The following XRCC6 variants were observed in gnomAD, a reference collection of about 807,000 sequenced individuals.
XRCC6 encodes X-ray repair cross complementing 6.
A neutral mutation model predicts 65.7 loss-of-function variants in XRCC6; 5 were observed. The observed-to-expected ratio is 0.08, with a 90% CI of 0.04 to 0.16. XRCC6 has a LOEUF of 0.16. Among genes scored for constraint, XRCC6 ranks in the 10% least tolerant of loss-of-function variants. XRCC6 has a pLI of 1.00. For missense variants in XRCC6, 447 were observed against 738.1 expected (o/e 0.61, Z 4.57); for synonymous variants, 270 against 270.6 (o/e 1.00, Z 0.02).
chr22:41,660,960 G>A (rs1277214052), intron 11 of XRCC6, among the ~76,000 whole-genome samples: 6 of 151,870 alleles, frequency 4.0e-5, no homozygotes, highest in Admixed American at 3.9e-4. Flanking sequence ...CTTGAACCAG[G>A]GAGTCGGAGG....
chr22:41,646,806 T>A, intron 6 of XRCC6, 90 bp from the exon 7 acceptor site: 1 of 1,119,324 alleles, frequency 8.9e-7, no homozygotes, highest in Non-Finnish European at 1.3e-6. Context: ...TTGGAGAGAA[T>A]AAAACAGTGA....
At chr22:41,625,070 C>T (rs938884533) in intron 2 of XRCC6, among the ~76,000 whole-genome samples, 2 of 151,894 alleles carry the variant, frequency 1.3e-5, no homozygotes, top group Admixed American at 6.6e-5. Context: ...TTTTTGGAGG[C>T]CAAGGTGGGC....
intron 9 of XRCC6, 150 bp downstream of exon 9, chr22:41,653,840 C>A: frequency 9.8e-7 from 1 of 1,016,606 alleles, no homozygotes; most frequent in Non-Finnish European, 1.4e-6. Flanking sequence ...GAATTTAGTG[C>A]ACAGCCAGGT....
Position 41,664,002 on chromosome 22 carries a change from A to C in XRCC6, c.*187A>C. 1 of 645,808 alleles carries C rather than the reference A, an allele frequency of 1.5e-6. No homozygotes were observed. The allele number at this position is 645,808 out of a possible 1,614,324, so 40.0% of individuals were successfully genotyped here. On this transcript the variant is annotated 3_prime_UTR_variant, in exon 13 of 13. Transcript: ENST00000360079. ...TAGCCCTCCCACTTTGCTGTTCCTT[A>C]CTTTACTGCCTGAATAAAGAGCCCT...
At chr22:41,627,407 T>A (rs927445803) in intron 2 of XRCC6, among the ~76,000 whole-genome samples, 15 of 151,772 alleles carry the variant, frequency 9.9e-5, no homozygotes, top group Middle Eastern at 3.4e-3. Flanking sequence ...GGCCGGGAGT[T>A]CAAGACCAAC....
At chr22:41,633,377 CTTT>C (rs1569083651) in intron 3 of XRCC6, among the ~76,000 whole-genome samples, 1 of 151,618 alleles carries the variant, frequency 6.6e-6, no homozygotes, top group Non-Finnish European at 1.5e-5. Flanking sequence ...GTGCTTTAAC[CTTT>C]TTTAGACCGT....
chr22:41,663,742 G>T lies in XRCC6; in HGVS notation c.1757G>T (p.Arg586Leu). ...GTGCCCATGCTGAAAGAGGCCTGCC[G>T]GGCTTACGGGCTGAAGAGTGGGCTG... is the stretch of plus-strand genomic sequence containing the variant. Reference protein sequence around the residue: ...FTVPMLKEACRAYGLKSGLKK... With the variant: ...FTVPMLKEACLAYGLKSGLKK... Residue 586 changes from arginine to leucine, a missense_variant, in exon 13 of 13, where the codon CGG becomes CTG. By Grantham distance (102) the Arg-to-Leu change is moderately radical. Coordinates refer to ENST00000360079, the MANE Select transcript of XRCC6 (RefSeq NM_001469.5). 6.2e-7 allele frequency: 1 copy of T among 1,613,946 alleles called. No homozygotes were observed. Among genetic ancestry groups the T allele is most frequent in the Non-Finnish European group, 8.5e-7 (1 of 1,179,866 alleles).
intron 7 of XRCC6, among the ~76,000 whole-genome samples, chr22:41,649,151 T>A (rs1261186932): frequency 1.5e-5 from 2 of 133,762 alleles, no homozygotes; most frequent in Non-Finnish European, 3.1e-5. Context: ...TATATATATA[T>A]ATATATATAT....
chr22:41,624,666 C>T (rs545001311), intron 2 of XRCC6, among the ~76,000 whole-genome samples: 49 of 145,690 alleles, frequency 3.4e-4, no homozygotes, highest in Non-Finnish European at 5.7e-4. Flanking sequence ...CCAGCCTGGG[C>T]GACAGAGTGA....
At chr22:41,650,162 T>C (rs1226468275) in intron 7 of XRCC6, among the ~76,000 whole-genome samples, 3 of 151,992 alleles carry the variant, frequency 2.0e-5, no homozygotes, top group African/African-American at 7.3e-5. Flanking sequence ...TGCAGTGCAG[T>C]GGCGCCATCT....
chr22:41,652,060 A>G (rs2068005127), intron 8 of XRCC6, among the ~76,000 whole-genome samples: 1 of 152,198 alleles, frequency 6.6e-6, no homozygotes, highest in South Asian at 2.1e-4. Context: ...CTGAGATTAC[A>G]GGCGTGAGCC....
intron 2 of XRCC6, among the ~76,000 whole-genome samples, chr22:41,622,354 C>T (rs1163604830): frequency 6.6e-6 from 1 of 151,992 alleles, no homozygotes; most frequent in Non-Finnish European, 1.5e-5. Context: ...TATTTTTTGT[C>T]ATCTTAAGTG....
intron 4 of XRCC6, 89 bp downstream of exon 4, chr22:41,636,340 A>G (rs2067809678): frequency 6.6e-7 from 1 of 1,507,526 alleles, no homozygotes; most frequent in African/African-American, 1.4e-5. Flanking sequence ...GAAGCAAGTT[A>G]CATCTTGTCT....
At position 41,650,479 on chromosome 22, in the gene XRCC6, A is replaced by G. The variant is rs1601550362; in HGVS notation, c.961-244A>G. ...AGTGGCTATTCATAAGCACAGTCCC[A>G]CTCTAAAACAGTTTGAACATCTACC... On this transcript the variant is annotated intron_variant, in intron 7 of 12. Coordinates refer to ENST00000360079, the MANE Select transcript of XRCC6 (RefSeq NM_001469.5). 2.0e-5 allele frequency among the ~76,000 whole-genome samples: 3 copies of G among 152,184 alleles called. No homozygotes were observed. The South Asian group carries it at 6.2e-4, about 32-fold the overall frequency.
intron 12 of XRCC6, among the ~76,000 whole-genome samples, chr22:41,662,742 CACTCTCACCCTTCCAGG>C (rs1479775509): frequency 2.6e-5 from 4 of 152,260 alleles, no homozygotes; most frequent in East Asian, 3.9e-4. Flanking sequence ...TGTTTTCCTG[CACTCTCACCCTTCCAGG>C]ACTTAATTTT....
chr22:41,647,202 G>A (rs906370855), intron 7 of XRCC6, 120 bp downstream of exon 7: 80 of 1,009,128 alleles, frequency 7.9e-5, no homozygotes, highest in Middle Eastern at 2.8e-4. Context: ...GGACTCAAGC[G>A]ATCCTTCTGT....
chr22:41,649,139 A>AAAAATATATAT, intron 7 of XRCC6, among the ~76,000 whole-genome samples: 1 of 88,738 alleles, frequency 1.1e-5, no homozygotes, highest in Non-Finnish European at 2.1e-5. Context: ...AAAAAAAAAA[A>AAAAATATATAT]ATATATATAT....
chr22:41,627,090 A>T (rs753133738), intron 2 of XRCC6, among the ~76,000 whole-genome samples: 17 of 152,156 alleles, frequency 1.1e-4, no homozygotes, highest in Non-Finnish European at 2.2e-4. Context: ...TAATTTTTTT[A>T]AAAAGGCAAT....
chr22:41,632,475 G>A (rs1480632002), intron 3 of XRCC6, among the ~76,000 whole-genome samples: 5 of 152,072 alleles, frequency 3.3e-5, no homozygotes, highest in African/African-American at 1.2e-4. Context: ...GCCGGGCATG[G>A]TAGTGCAGGC....
Sources: allele counts gnomAD v4.1 joint callset (sites outside exome capture counted in the v4.1 genomes callset), GRCh38; gene constraint gnomAD v4.1.1; transcripts MANE v1.5; gene names NCBI Gene and HGNC (gene_info 2026-07-23, HGNC 2026-07-21).